Variants in AGBL3 observed in about 807,000 individuals in gnomAD.
AGBL3 encodes the protein AGBL carboxypeptidase 3, also known as cytosolic carboxypeptidase 3.
AGBL3 carries 68 observed loss-of-function variants against 94.5 expected under a neutral mutation model. The observed-to-expected ratio is 0.72, with a 90% CI of 0.59 to 0.88. AGBL3 has a LOEUF of 0.88. Among genes scored for constraint, AGBL3 ranks in the 40% least tolerant of loss-of-function variants. AGBL3 has a pLI of 0.00. For missense variants in AGBL3, 934 were observed against 1,103.8 expected (o/e 0.85, Z 2.18); for synonymous variants, 354 against 370.7 (o/e 0.95, Z 0.52).
rs144192181 is a variant in AGBL3 at position 135,056,213 on chromosome 7, G to A, written c.1842-2956G>A. On this transcript the variant is annotated intron_variant, in intron 11 of 16. Coordinates refer to ENST00000436302, the MANE Select transcript of AGBL3 (RefSeq NM_178563.4). ...TTGATCTTTTCAAAGCAGCAGCATT[G>A]TGTTCATTGATTATTGATTCCCTGT... 4.6e-3 allele frequency among the ~76,000 whole-genome samples: 698 copies of A among 152,100 alleles called. 3 individuals are homozygous for A. Among genetic ancestry groups the A allele is most frequent in the African/African-American group, 0.016 (668 of 41,536 alleles).
rs777491552 is a variant in AGBL3, at chr7:134,993,588, G to A, written c.220G>A (p.Asp74Asn). 1.5e-5 allele frequency: 24 copies of A among 1,551,904 alleles called. No homozygotes were observed. In the African/African-American group the frequency reaches 2.9e-4, roughly 19 times the overall value. Residue 74 changes from aspartate to asparagine, a missense_variant, in exon 4 of 17, where the codon GAT becomes AAT. Physicochemically the swap from Asp to Asn is conservative, Grantham distance 23. Transcript: ENST00000436302. ...RWVPRLREPR[D>N]LYGVSSSGPL... ...GGTGCCACGTCTTCGTGAACCAAGG[G>A]ATTTATATGGTGTCTCTTCTTCTGG...
At chr7:135,128,120 C>A (rs1207334689) in intron 16 of AGBL3, among the ~76,000 whole-genome samples, 1 of 151,512 alleles carries the variant, frequency 6.6e-6, no homozygotes, top group Non-Finnish European at 1.5e-5. Context: ...GGTGAAACCC[C>A]GTCTCTACTA....
intron 5 of AGBL3, among the ~76,000 whole-genome samples, chr7:135,018,690 A>G (rs535995031): frequency 6.6e-6 from 1 of 152,324 alleles, no homozygotes; most frequent in Non-Finnish European, 1.5e-5. Flanking sequence ...ACAAATGACA[A>G]AAAAGAAGAG....
At chr7:135,057,765 A>T (rs913279604) in intron 11 of AGBL3, among the ~76,000 whole-genome samples, 2 of 152,250 alleles carry the variant, frequency 1.3e-5, no homozygotes, top group African/African-American at 4.8e-5. Flanking sequence ...ACATATGTTC[A>T]GACAATAAAA....
chr7:135,092,156 A>T (rs1026098192), intron 15 of AGBL3, among the ~76,000 whole-genome samples: 1 of 150,380 alleles, frequency 6.6e-6, no homozygotes, highest in Non-Finnish European at 1.5e-5. Context: ...GAGCCTTATG[A>T]TTTCTCTCAT....
intron 14 of AGBL3, 140 bp downstream of exon 14, chr7:135,080,400 G>A: frequency 1.6e-6 from 1 of 621,922 alleles, no homozygotes. Context: ...TTCCCTGCAG[G>A]ACCTCATCCT....
intron 15 of AGBL3, among the ~76,000 whole-genome samples, chr7:135,114,107 C>A (rs1443482415): frequency 1.7e-5 from 1 of 58,556 alleles, no homozygotes; most frequent in Non-Finnish European, 3.3e-5. Flanking sequence ...CATCAATGAA[C>A]ACGTGTGTTG....
intron 3 of AGBL3, among the ~76,000 whole-genome samples, chr7:134,990,878 G>T (rs1447932430): frequency 6.6e-6 from 1 of 152,144 alleles, no homozygotes; most frequent in East Asian, 1.9e-4. Context: ...CTGAGAACTG[G>T]TCCTACTCCT....
chr7:135,047,837 T>TTTA lies in AGBL3; in HGVS notation c.1841+1926_1841+1927insTTA, dbSNP rs766745424. Among the ~76,000 whole-genome samples the TTTA allele has an allele frequency of 3.3e-5, 5 of 151,976 alleles. No homozygotes were observed. In the East Asian group the frequency reaches 7.7e-4, roughly 23 times the overall value. On this transcript the variant is annotated intron_variant, in intron 11 of 16. Coordinates refer to ENST00000436302, the MANE Select transcript of AGBL3 (RefSeq NM_178563.4). ...TCTATAGGCCACTTTTTCACTCTAT[T>TTTA]GTTTCCTTGGTTGTACAGAAGCGTT...
intron 15 of AGBL3, chr7:135,101,196 T>C (rs1164355641): frequency 6.6e-6 from 3 of 456,128 alleles, no homozygotes; most frequent in Middle Eastern, 3.2e-4. Context: ...GTATGGAAAC[T>C]GTTTCAAAGT....
chr7:134,997,617 C>T (rs189693602), intron 4 of AGBL3, among the ~76,000 whole-genome samples: 1 of 152,210 alleles, frequency 6.6e-6, no homozygotes, highest in African/African-American at 2.4e-5. Flanking sequence ...TGTCCAAGGC[C>T]TCTACCACCA....
chr7:135,118,975 A>G (rs1350262432), intron 16 of AGBL3, among the ~76,000 whole-genome samples: 5 of 152,180 alleles, frequency 3.3e-5, no homozygotes, highest in African/African-American at 1.2e-4. Context: ...ACTGAACATA[A>G]GAGAAAAAAT....
intron 15 of AGBL3, among the ~76,000 whole-genome samples, chr7:135,085,373 T>C (rs1821256959): frequency 6.6e-6 from 1 of 152,156 alleles, no homozygotes; most frequent in Admixed American, 6.5e-5. Flanking sequence ...TTTGCCTATA[T>C]TTGCTTTAGT....
At chr7:135,096,783 G>GAAAGAAAGAAAGAAAT (rs1473386036) in intron 15 of AGBL3, among the ~76,000 whole-genome samples, 35 of 148,748 alleles carry the variant, frequency 2.4e-4, no homozygotes, top group African/African-American at 8.8e-4. Flanking sequence ...AAGAAAGAAA[G>GAAAGAAAGAAAGAAAT]AAAGAAAGAA....
chr7:135,060,813 G>T (rs1818770813), intron 12 of AGBL3, among the ~76,000 whole-genome samples: 1 of 152,118 alleles, frequency 6.6e-6, no homozygotes. Flanking sequence ...GAACACTTAA[G>T]TTGATTCCAT....
chr7:135,070,389 T>C (rs1209310220), intron 12 of AGBL3, among the ~76,000 whole-genome samples: 1 of 152,156 alleles, frequency 6.6e-6, no homozygotes, highest in Non-Finnish European at 1.5e-5. Context: ...GCCAGCATCA[T>C]CCTGATACCA....
chr7:135,037,678 T>C (rs1816447380), intron 8 of AGBL3, 98 bp downstream of exon 8: 20 of 1,008,762 alleles, frequency 2.0e-5, no homozygotes, highest in Non-Finnish European at 2.6e-5. Context: ...CAAACTGCTT[T>C]TTTTTTAGTT....
intron 12 of AGBL3, among the ~76,000 whole-genome samples, chr7:135,062,026 T>C (rs1818879183): frequency 6.6e-6 from 1 of 152,058 alleles, no homozygotes; most frequent in Admixed American, 6.6e-5. Context: ...AAGATATCTT[T>C]CCATTTCTTC....
chr7:135,087,299 G>T (rs1358711477), intron 15 of AGBL3, among the ~76,000 whole-genome samples: 2 of 150,302 alleles, frequency 1.3e-5, no homozygotes, highest in Non-Finnish European at 3.0e-5. Flanking sequence ...TCATTTCATT[G>T]ATCTTTTATA....
Sources: gnomAD v4.1 joint callset for allele counts (sites outside exome capture counted in the v4.1 genomes callset) on GRCh38, gnomAD v4.1.1 for gene constraint, MANE v1.5 for transcripts, NCBI Gene and HGNC (gene_info 2026-07-23, HGNC 2026-07-21) for gene names.